The following FNDC3A variants were observed in gnomAD, a reference collection of about 807,000 sequenced individuals.
The protein encoded by FNDC3A is fibronectin type-III domain-containing protein 3A.
In FNDC3A, 32 loss-of-function variants were observed where a neutral mutation model predicts 148.9. The ratio of observed to expected loss-of-function variants is 0.21; its 90% CI spans 0.16 to 0.29. The LOEUF (loss-of-function observed/expected upper bound fraction) is 0.29, where lower values mean the gene tolerates loss of function less well. FNDC3A is among the 10% of genes least tolerant of loss of function. The pLI is 1.00. For synonymous variants in FNDC3A, 472 were observed against 473.6 expected (o/e 1.00, Z 0.04); for missense variants, 1,191 against 1,452.8 (o/e 0.82, Z 2.93).
At chr13:49,154,051 T>G in intron 8 of FNDC3A, among the ~76,000 whole-genome samples, 3 of 112,388 alleles carry the variant, frequency 2.7e-5, no homozygotes, top group African/African-American at 1.1e-4. Context: ...TCCAATTCTG[T>G]GAAGAAAGTC....
At chr13:49,016,680 T>G (rs1872810152) in intron 2 of FNDC3A, among the ~76,000 whole-genome samples, 1 of 152,198 alleles carries the variant, frequency 6.6e-6, no homozygotes, top group Non-Finnish European at 1.5e-5. Flanking sequence ...TCTAATTCTT[T>G]TAATTGTGAT....
rs1593758272 is a variant in FNDC3A at position 49,207,391 on chromosome 13, A to G, written c.3593A>G (p.Lys1198Arg). Residue 1198 changes from lysine to arginine, a missense_variant, in exon 26 of 26, where the codon AAG (lysine) becomes AGG (arginine). By Grantham distance (26) the Lys-to-Arg change is conservative. Coordinates refer to ENST00000492622, the MANE Select transcript of FNDC3A (RefSeq NM_001079673.2). ...TTTATCATTCAGTACTTTGTAATCAAGTGAAAATATAACTTTATTTTTTAA... is the reference window on the plus strand; with the variant it reads ...TTTATCATTCAGTACTTTGTAATCAGGTGAAAATATAACTTTATTTTTTAA... ...IAFIIQYFVI[K>R] 6.4e-7 allele frequency: 1 copy of G among 1,552,808 alleles called. No individual in the cohort carries two copies. The highest frequency in any genetic ancestry group is 8.8e-7 in the Non-Finnish European group (1 of 1,133,482).
intron 4 of FNDC3A, among the ~76,000 whole-genome samples, chr13:49,115,053 T>G (rs1367591470): frequency 1.3e-5 from 2 of 152,180 alleles, no homozygotes; most frequent in African/African-American, 4.8e-5. Flanking sequence ...ATTTTTAAAT[T>G]TAGAAATTTG....
At position 49,067,679 on chromosome 13, in the gene FNDC3A, G is replaced by A. The variant is rs146334747; in HGVS notation, c.100-7610G>A. On this transcript the variant is annotated intron_variant, in intron 2 of 25. Transcript: ENST00000492622. The stretch of plus-strand genomic sequence containing the variant: ...AATTTAATCATTTCTTATTGATTTC[G>A]TCTGTCCTAATAGTTCTTAATCTAC... 7.7e-3 allele frequency among the ~76,000 whole-genome samples: 1,173 copies of A among 152,146 alleles called. 21 individuals are homozygous for A. The highest frequency in any genetic ancestry group is 0.027 in the African/African-American group (1,112 of 41,504).
intron 8 of FNDC3A, among the ~76,000 whole-genome samples, chr13:49,164,267 G>A (rs1205957235): frequency 1.3e-5 from 2 of 152,184 alleles, no homozygotes; most frequent in East Asian, 3.8e-4. Flanking sequence ...AGTCTGATAA[G>A]AGTTCTCTTA....
chr13:49,015,879 G>C (rs1373310824), intron 2 of FNDC3A, among the ~76,000 whole-genome samples: 73 of 151,594 alleles, frequency 4.8e-4, no homozygotes, highest in Admixed American at 4.5e-3. Flanking sequence ...TTTTGTCTTT[G>C]GTTCTGTTTA....
chr13:49,180,193 G>T (rs1885233535), intron 14 of FNDC3A, among the ~76,000 whole-genome samples: 1 of 152,082 alleles, frequency 6.6e-6, no homozygotes, highest in South Asian at 2.1e-4. Context: ...CATCATCAGT[G>T]AGAAACTTTG....
chr13:49,152,811 T>G (rs1415005379), intron 8 of FNDC3A, among the ~76,000 whole-genome samples: 1 of 151,566 alleles, frequency 6.6e-6, no homozygotes, highest in Non-Finnish European at 1.5e-5. Flanking sequence ...GAATGATGAT[T>G]TCCAATTTCA....
At chr13:49,181,785 AG>A (rs1244062245) in intron 14 of FNDC3A, among the ~76,000 whole-genome samples, 1 of 152,230 alleles carries the variant, frequency 6.6e-6, no homozygotes, top group Non-Finnish European at 1.5e-5. Flanking sequence ...GTAATGACTA[AG>A]TAGCATATTA....
intron 1 of FNDC3A, among the ~76,000 whole-genome samples, chr13:48,978,795 T>A (rs1951647751): frequency 1.3e-5 from 2 of 152,180 alleles, no homozygotes; most frequent in South Asian, 4.1e-4. Context: ...TTTATCACAT[T>A]GCAAAACAAG....
At chr13:49,032,412 T>C (rs1373008129) in intron 2 of FNDC3A, among the ~76,000 whole-genome samples, 1 of 152,162 alleles carries the variant, frequency 6.6e-6, no homozygotes, top group African/African-American at 2.4e-5. Flanking sequence ...CAAAATATGG[T>C]ATATCAGTAA....
chr13:49,023,320 A>G (rs1176614367), intron 2 of FNDC3A, among the ~76,000 whole-genome samples: 1 of 151,882 alleles, frequency 6.6e-6, no homozygotes, highest in Non-Finnish European at 1.5e-5. Context: ...AATTGGGCAA[A>G]TTATTTTATT....
At position 49,191,361 on chromosome 13, in the gene FNDC3A, C is replaced by A; in HGVS notation, c.2203C>A (p.Leu735Ile). ...LLPGKTYSFRLRAANKMGFGP... is the reference protein window; with the variant it reads ...LLPGKTYSFRIRAANKMGFGP... ...TCCTGGAAAGACATACAGCTTCAGACTACGTGCAGCTAACAAAATGGGGGT... is the reference window on the plus strand; with the variant it reads ...TCCTGGAAAGACATACAGCTTCAGAATACGTGCAGCTAACAAAATGGGGGT... Residue 735 changes from leucine (L) to isoleucine (I), a missense_variant, in exon 19 of 26, where the codon CTA becomes ATA. Leu to Ile is a conservative substitution (Grantham distance 5, BLOSUM62 2). Transcript: ENST00000492622. 1 of 1,595,896 alleles carries A rather than the reference C, an allele frequency of 6.3e-7. No individual in the cohort carries two copies. The highest frequency in any genetic ancestry group is 1.1e-5 in the South Asian group (1 of 87,232).
chr13:49,069,007 A>G (rs1877462867), intron 2 of FNDC3A, among the ~76,000 whole-genome samples: 1 of 152,174 alleles, frequency 6.6e-6, no homozygotes, highest in Admixed American at 6.5e-5. Flanking sequence ...CCCCCGTGAC[A>G]TCAGTGTTTA....
At chr13:49,170,770 C>T (rs1884714248) in intron 10 of FNDC3A, among the ~76,000 whole-genome samples, 2 of 152,098 alleles carry the variant, frequency 1.3e-5, no homozygotes, top group South Asian at 2.1e-4. Context: ...TAAGGTAAAA[C>T]ACTTTACACT....
intron 14 of FNDC3A, among the ~76,000 whole-genome samples, chr13:49,182,438 C>G (rs140141584): frequency 6.4e-4 from 98 of 152,254 alleles, no homozygotes; most frequent in African/African-American, 2.0e-3. Context: ...ACGATCAAAG[C>G]CTTCAGAGCC....
At chr13:49,032,231 G>T (rs898701526) in intron 2 of FNDC3A, among the ~76,000 whole-genome samples, 19 of 151,904 alleles carry the variant, frequency 1.3e-4, no homozygotes, top group African/African-American at 4.3e-4. Flanking sequence ...TAGCCTGGCA[G>T]TTCCTAAGAC....
intron 2 of FNDC3A, among the ~76,000 whole-genome samples, chr13:49,015,238 A>G (rs1952470093): frequency 6.6e-6 from 1 of 152,170 alleles, no homozygotes; most frequent in South Asian, 2.1e-4. Context: ...TTAGCATGGA[A>G]TGTTCTTCCA....
At chr13:49,095,102 C>G (rs1374267533) in intron 3 of FNDC3A, among the ~76,000 whole-genome samples, 1 of 151,758 alleles carries the variant, frequency 6.6e-6, no homozygotes, top group African/African-American at 2.4e-5. Context: ...GTTTTAACCC[C>G]TTTTAAATTG....
Sources: allele counts gnomAD v4.1 joint callset (sites outside exome capture counted in the v4.1 genomes callset), GRCh38; gene constraint gnomAD v4.1.1; transcripts MANE v1.5; gene names NCBI Gene and HGNC (gene_info 2026-07-23, HGNC 2026-07-21).